The following AQP8 variants were observed in gnomAD, a reference collection of about 807,000 sequenced individuals.
AQP8 encodes aquaporin 8.
In AQP8, 14 loss-of-function variants were observed where a neutral mutation model predicts 26.1. That is an observed-to-expected ratio of 0.54 (90% CI 0.35 to 0.84). The LOEUF (loss-of-function observed/expected upper bound fraction) is 0.84, where lower values mean the gene tolerates loss of function less well. AQP8 is among the 40% of genes least tolerant of loss of function. The pLI, the probability that AQP8 is intolerant of heterozygous loss-of-function variation, is 0.01. For missense variants in AQP8, 301 were observed against 340.5 expected (o/e 0.88, Z 0.91); for synonymous variants, 131 against 150.7 (o/e 0.87, Z 0.96).
At chr16:25,224,656 C>T in intron 4 of AQP8, 80 bp downstream of exon 4, 1 of 1,421,832 alleles carries the variant, frequency 7.0e-7, no homozygotes, top group South Asian at 1.2e-5. Context: ...CTGAGGGTCA[C>T]AGATTCAGTT....
At chr16:25,221,678 G>T in intron 3 of AQP8, 95 bp downstream of exon 3, 2 of 1,452,144 alleles carry the variant, frequency 1.4e-6, no homozygotes, top group Non-Finnish European at 1.9e-6. Context: ...GGGGAGTGGG[G>T]AAATGTCCAA....
At chr16:25,227,667 T>C (rs1008720945) in intron 5 of AQP8, among the ~76,000 whole-genome samples, 8 of 152,068 alleles carry the variant, frequency 5.3e-5, no homozygotes, top group Admixed American at 2.6e-4. Flanking sequence ...TTTATATTTT[T>C]AGTAGAGTCG....
chr16:25,224,279 A>C, intron 3 of AQP8, 83 bp from the exon 4 acceptor site: 231 of 1,181,506 alleles, frequency 2.0e-4, no homozygotes, highest in Non-Finnish European at 2.5e-4. Context: ...TAAGGTGGGT[A>C]GCATGCGTTT....
In AQP8 at chr16:25,217,216, G is replaced by A. The variant is rs766391001; in HGVS notation, c.31G>A (p.Glu11Lys). The A allele has an allele frequency of 8.7e-6, 14 of 1,614,076 alleles. No homozygotes were observed. Among genetic ancestry groups the A allele is most frequent in the Non-Finnish European group, 1.2e-5 (14 of 1,180,038 alleles). ...ACGGCAGATAGCCATGTGTGAGCCT[G>A]AATTTGGCAATGACAAGGCCAGGGA... MSGEIAMCEP[E>K]FGNDKAREPS... The change falls in exon 2 of 6, where the codon GAA (glutamate) becomes AAA (lysine). Residue 11 changes from glutamate (E) to lysine (K), a missense_variant. Coordinates refer to ENST00000219660, the MANE Select transcript of AQP8 (RefSeq NM_001169.3).
At chr16:25,224,072 C>A (rs1403531307) in intron 3 of AQP8, among the ~76,000 whole-genome samples, 2 of 152,192 alleles carry the variant, frequency 1.3e-5, no homozygotes, top group African/African-American at 4.8e-5. Context: ...AGTGACCCAC[C>A]CATCTCAGCC....
rs1962501824 is a variant in AQP8, at chr16:25,217,351, G to A, written c.166G>A (p.Val56Ile). 6.2e-7 allele frequency: 1 copy of A among 1,614,160 alleles called. No individual in the cohort carries two copies. Among genetic ancestry groups the A allele is most frequent in the Non-Finnish European group, 8.5e-7 (1 of 1,180,020 alleles). Reference sequence around the variant, plus strand: ...CTTCATCTTCATCGGGTGCCTGTCGGTCATTGAGAATGGGACGGACACTGG... The same window carrying A: ...CTTCATCTTCATCGGGTGCCTGTCGATCATTGAGAATGGGACGGACACTGG... The part of the protein sequence containing the change: ...ALFIFIGCLS[V>I]IENGTDTGLL... The change falls in exon 2 of 6, where the codon GTC becomes ATC. Residue 56 changes from valine (V) to isoleucine (I), a missense_variant. Transcript: ENST00000219660.
At chr16:25,228,409 G>A (rs370877299) in intron 5 of AQP8, 35 bp from the exon 6 acceptor site, 6 of 1,612,088 alleles carry the variant, frequency 3.7e-6, no homozygotes, top group African/African-American at 1.3e-5. Context: ...TCTCACCTCC[G>A]GGGCAGAGAC....
intron 2 of AQP8, among the ~76,000 whole-genome samples, chr16:25,219,177 C>T (rs1046883037): frequency 1.3e-5 from 2 of 151,416 alleles, no homozygotes; most frequent in African/African-American, 4.9e-5. Flanking sequence ...CTTTATCAGG[C>T]AGAGATCATT....
intron 4 of AQP8, among the ~76,000 whole-genome samples, chr16:25,226,548 T>C (rs745989473): frequency 2.0e-5 from 3 of 152,056 alleles, no homozygotes; most frequent in Non-Finnish European, 4.4e-5. Flanking sequence ...TGAGCCTCTG[T>C]GTCTGGCTGA....
At chr16:25,220,985 A>C (rs1962554673) in intron 2 of AQP8, among the ~76,000 whole-genome samples, 2 of 152,124 alleles carry the variant, frequency 1.3e-5, no homozygotes, top group Non-Finnish European at 2.9e-5. Flanking sequence ...CAAAAGGTGG[A>C]AGCTGCAGTG....
intron 2 of AQP8, among the ~76,000 whole-genome samples, chr16:25,218,087 G>A (rs772063895): frequency 3.3e-5 from 5 of 152,122 alleles, no homozygotes; most frequent in African/African-American, 4.8e-5. Context: ...TGGCAGAGGC[G>A]GGAGTCAAGA....
At chr16:25,225,012 T>A (rs904224116) in intron 4 of AQP8, among the ~76,000 whole-genome samples, 2 of 152,168 alleles carry the variant, frequency 1.3e-5, no homozygotes, top group African/African-American at 4.8e-5. Flanking sequence ...AGGGATTAAG[T>A]AGACAAGATT....
rs117255669 is a variant in AQP8 at position 25,227,099 on chromosome 16, G to A, written c.634G>A (p.Ala212Thr). 0.021 allele frequency: 33,489 copies of A among 1,614,146 alleles called. 432 individuals are homozygous for A. Among genetic ancestry groups the A allele is most frequent in the Non-Finnish European group, 0.025 (29,824 of 1,180,020 alleles). Residue 212 changes from alanine to threonine, a missense_variant, in exon 5 of 6, where the codon GCC (alanine) becomes ACC (threonine). Coordinates refer to ENST00000219660, the MANE Select transcript of AQP8 (RefSeq NM_001169.3). ...TGTGTCTGGAGGCTGCATGAATCCC[G>A]CCCGTGCTTTTGGACCTGCGGTGGT... ...GPVSGGCMNP[A>T]RAFGPAVVAN...
intron 2 of AQP8, 49 bp from the exon 3 acceptor site, chr16:25,221,408 A>G (rs764716302): frequency 6.3e-7 from 1 of 1,598,200 alleles, no homozygotes; most frequent in Admixed American, 1.7e-5. Flanking sequence ...AGTGCCAGCC[A>G]TGTGGTCAGC....
At chr16:25,226,186 G>T (rs1386014391) in intron 4 of AQP8, among the ~76,000 whole-genome samples, 1 of 152,166 alleles carries the variant, frequency 6.6e-6, no homozygotes, top group African/African-American at 2.4e-5. Context: ...GGTGAATGGG[G>T]TATTCATCCC....
intron 5 of AQP8, 66 bp downstream of exon 5, chr16:25,227,268 C>T (rs1962648772): frequency 1.6e-5 from 25 of 1,600,306 alleles, no homozygotes; most frequent in Middle Eastern, 1.7e-4. Flanking sequence ...CCAGAGAGTC[C>T]GGGACTAGAG....
At chr16:25,226,773 A>C (rs1962639996) in intron 4 of AQP8, among the ~76,000 whole-genome samples, 1 of 152,076 alleles carries the variant, frequency 6.6e-6, no homozygotes, top group Non-Finnish European at 1.5e-5. Flanking sequence ...TAGACTTTGG[A>C]GCAAATGTAG....
At chr16:25,218,389 G>A (rs1962515597) in intron 2 of AQP8, among the ~76,000 whole-genome samples, 1 of 152,182 alleles carries the variant, frequency 6.6e-6, no homozygotes, top group African/African-American at 2.4e-5. Flanking sequence ...CGTCTGGGTA[G>A]AGGCTCAATG....
intron 4 of AQP8, among the ~76,000 whole-genome samples, chr16:25,225,034 C>T (rs1962613140): frequency 1.3e-5 from 2 of 152,258 alleles, no homozygotes; most frequent in South Asian, 4.1e-4. Flanking sequence ...GGGATGATGT[C>T]TCCCGTTTTA....
Sources: allele counts gnomAD v4.1 joint callset (sites outside exome capture counted in the v4.1 genomes callset), GRCh38; gene constraint gnomAD v4.1.1; transcripts MANE v1.5; gene names NCBI Gene and HGNC (gene_info 2026-07-23, HGNC 2026-07-21).